COTL1: variants seen among roughly 807,000 people sequenced by gnomAD.
COTL1 encodes coactosin-like protein.
A neutral mutation model predicts 16.5 loss-of-function variants in COTL1; 15 were observed. That is an observed-to-expected ratio of 0.91 (90% CI 0.61 to 1.40). The LOEUF (loss-of-function observed/expected upper bound fraction) is 1.40, where lower values mean the gene tolerates loss of function less well. Ranked by LOEUF, COTL1 falls within the 40% of genes most tolerant of loss-of-function variation. The probability of loss-of-function intolerance (pLI) is 0.00; values close to 1 mark genes in which losing one functional copy is unlikely to be tolerated. For synonymous variants in COTL1, 112 were observed against 85.3 expected, an observed-to-expected ratio of 1.31 and a Z score of -1.73; for missense variants, 220 against 201.5, an observed-to-expected ratio of 1.09 and a Z score of -0.56.
intron 2 of COTL1, among the ~76,000 whole-genome samples, chr16:84,602,723 T>A (rs925024139): frequency 6.6e-6 from 1 of 151,894 alleles, no homozygotes; most frequent in African/African-American, 2.4e-5. Flanking sequence ...TTCATGGTGG[T>A]GCACACCTGT....
chr16:84,593,293 T>A lies in COTL1; in HGVS notation c.161-3031A>T, dbSNP rs113305657. Among the ~76,000 whole-genome samples, 527 of 152,216 alleles carry A rather than the reference T, an allele frequency of 3.5e-3. 3 individuals carry two copies. The highest frequency in any genetic ancestry group is 0.012 in the African/African-American group (501 of 41,544). ...GAAGGAAGGATGGTCTCAGGGACAC[T>A]GCGCAGGTGAATCCACAGGGCCTGG... On this transcript the variant is annotated intron_variant, in intron 2 of 3. Coordinates refer to ENST00000262428, the MANE Select transcript of COTL1 (RefSeq NM_021149.5).
At chr16:84,572,530 G>A (rs953275742) in intron 3 of COTL1, among the ~76,000 whole-genome samples, 8 of 151,990 alleles carry the variant, frequency 5.3e-5, no homozygotes, top group Non-Finnish European at 8.8e-5. Context: ...GTGCGATCTC[G>A]GCTCACTGCA....
At chr16:84,566,979 G>C (rs1028505813) in intron 3 of COTL1, 24 bp from the exon 4 acceptor site, 1 of 1,555,796 alleles carries the variant, frequency 6.4e-7, no homozygotes, top group African/African-American at 1.4e-5. Context: ...GGAAAACACA[G>C]CGTTCCTATT....
intron 2 of COTL1, among the ~76,000 whole-genome samples, chr16:84,613,087 G>A (rs1410119754): frequency 6.7e-6 from 1 of 150,262 alleles, no homozygotes; most frequent in Non-Finnish European, 1.5e-5. Context: ...TGCAACCTCT[G>A]CCTCCTGGGT....
chr16:84,598,100 G>A (rs1423227023), intron 2 of COTL1, among the ~76,000 whole-genome samples: 4 of 152,158 alleles, frequency 2.6e-5, no homozygotes, highest in Non-Finnish European at 4.4e-5. Context: ...CCTTCTGGTC[G>A]GTGTCATGCA....
chr16:84,579,111 CCATA>C (rs1904520543), intron 3 of COTL1, among the ~76,000 whole-genome samples: 1 of 152,092 alleles, frequency 6.6e-6, no homozygotes, highest in Non-Finnish European at 1.5e-5. Flanking sequence ...ACACACACCA[CCATA>C]CAGAGGTGTG....
intron 3 of COTL1, among the ~76,000 whole-genome samples, chr16:84,573,746 A>G (rs1258793918): frequency 1.1e-5 from 1 of 88,866 alleles, no homozygotes; most frequent in Non-Finnish European, 2.4e-5. Context: ...GTCTCAAAAA[A>G]AAAAAAATAT....
chr16:84,570,291 G>A (rs749906960), intron 3 of COTL1, among the ~76,000 whole-genome samples: 6 of 152,030 alleles, frequency 3.9e-5, no homozygotes, highest in Non-Finnish European at 7.4e-5. Flanking sequence ...AGAAAAATAA[G>A]TTTGATAAGG....
chr16:84,592,992 C>G (rs1315942692), intron 2 of COTL1, among the ~76,000 whole-genome samples: 1 of 152,236 alleles, frequency 6.6e-6, no homozygotes, highest in African/African-American at 2.4e-5. Flanking sequence ...GTTTACAAAA[C>G]ATGCTTCTAT....
intron 3 of COTL1, chr16:84,567,856 A>G (rs1027572513): frequency 6.6e-6 from 1 of 152,312 alleles, no homozygotes; most frequent in East Asian, 1.9e-4. Flanking sequence ...TATGTGGATC[A>G]TAAGACTTTA....
At position 84,590,914 on chromosome 16, in the gene COTL1, G is replaced by A. The variant is rs925569501; in HGVS notation, c.161-652C>T. On this transcript the variant is annotated intron_variant, in intron 2 of 3. Coordinates refer to ENST00000262428, the MANE Select transcript of COTL1 (RefSeq NM_021149.5). This position sits in a 1 kb window ranked among gnomAD's most constrained non-coding sequence, Gnocchi z 5.5. ...AATTTGGCCCGGGATATGGCTCCGA[G>A]GATATTTCACTTATGACTAGGGCAA... 2.6e-5 allele frequency among the ~76,000 whole-genome samples: 4 copies of A among 152,042 alleles called. No individual in the cohort carries two copies. Among genetic ancestry groups the A allele is most frequent in the African/African-American group, 9.7e-5 (4 of 41,374 alleles).
chr16:84,580,248 T>G (rs1440169953), intron 3 of COTL1, among the ~76,000 whole-genome samples: 1 of 152,160 alleles, frequency 6.6e-6, no homozygotes, highest in African/African-American at 2.4e-5. Flanking sequence ...GAGACTGTTT[T>G]TCCCTCTAAG....
chr16:84,585,375 C>T (rs901869301), intron 3 of COTL1, among the ~76,000 whole-genome samples: 2 of 151,388 alleles, frequency 1.3e-5, no homozygotes, highest in Admixed American at 6.6e-5. Flanking sequence ...AAAAAATCGC[C>T]CCCCTGGATT....
intron 2 of COTL1, among the ~76,000 whole-genome samples, chr16:84,601,993 G>C (rs940287491): frequency 6.6e-6 from 1 of 152,138 alleles, no homozygotes; most frequent in Non-Finnish European, 1.5e-5. Context: ...AGAGCTTAAA[G>C]GCTCAGAATG....
Position 84,590,534 on chromosome 16 carries a change from A to C in COTL1, c.161-272T>G. 1 of 308,680 alleles carries C rather than the reference A, an allele frequency of 3.2e-6. No individual in the cohort carries two copies. Among genetic ancestry groups the C allele is most frequent in the Non-Finnish European group, 6.0e-6 (1 of 167,206 alleles). The allele number at this position is 308,680 out of a possible 1,614,324, so 19.1% of individuals were successfully genotyped here. On this transcript the variant is annotated intron_variant, in intron 2 of 3. Coordinates refer to ENST00000262428, the MANE Select transcript of COTL1 (RefSeq NM_021149.5). The surrounding 1 kb of genome is among the most constrained non-coding windows in gnomAD (Gnocchi z 5.5). ...TTCAGAGAAGTCACATGGCACTTTC[A>C]AGGTTGTGAGGGAATTCAAGGTCAT...
Position 84,617,958 on chromosome 16 carries a change from C to T in COTL1, c.-44G>A, listed in dbSNP as rs748523608. 1 of 1,411,916 alleles carries T rather than the reference C, an allele frequency of 7.1e-7. No individual in the cohort carries two copies. The highest frequency in any genetic ancestry group is 1.5e-5 in the African/African-American group (1 of 66,156). The allele number at this position is 1,411,916 out of a possible 1,614,324, so 87.5% of individuals were successfully genotyped here. Reference sequence around the variant, plus strand: ...GGACACTGTCCGGGGCGGCCGAGCGCGCCCCTGGCCGGCGGCGGGGATGGG... The same window carrying T: ...GGACACTGTCCGGGGCGGCCGAGCGTGCCCCTGGCCGGCGGCGGGGATGGG... On this transcript the variant is annotated 5_prime_UTR_variant, in exon 1 of 4. Coordinates refer to ENST00000262428, the MANE Select transcript of COTL1 (RefSeq NM_021149.5).
At chr16:84,600,523 G>C (rs774894931) in intron 2 of COTL1, among the ~76,000 whole-genome samples, 9 of 152,270 alleles carry the variant, frequency 5.9e-5, no homozygotes, top group Non-Finnish European at 1.0e-4. Flanking sequence ...GTGTTGGCCA[G>C]GCTGATCTCG....
chr16:84,607,565 G>A (rs766899102), intron 2 of COTL1, among the ~76,000 whole-genome samples: 15 of 152,280 alleles, frequency 9.9e-5, no homozygotes, highest in South Asian at 4.1e-4. Flanking sequence ...GAGCTCCTAC[G>A]TAGGGCCTGG....
At chr16:84,613,971 G>A (rs1905401003) in intron 2 of COTL1, among the ~76,000 whole-genome samples, 1 of 152,160 alleles carries the variant, frequency 6.6e-6, no homozygotes. Flanking sequence ...GGCTTGCTCC[G>A]TCTTTCCACC....
Sources: gnomAD v4.1 joint callset for allele counts (sites outside exome capture counted in the v4.1 genomes callset) on GRCh38, gnomAD v4.1.1 for gene constraint, Gnocchi (gnomAD v3.1) non-coding constraint, MANE v1.5 for transcripts, NCBI Gene and HGNC (gene_info 2026-07-23, HGNC 2026-07-21) for gene names.